The following PCNT variants were observed in gnomAD, a reference collection of about 807,000 sequenced individuals.
The protein encoded by PCNT is kendrin.
Under a neutral mutation model 380.4 loss-of-function variants are expected in PCNT, and 319 were observed. The observed-to-expected ratio is 0.84, with a 90% CI of 0.77 to 0.92. The LOEUF is 0.92. PCNT is among the 40% of genes least tolerant of loss of function. The pLI is 0.00. For missense variants in PCNT, 4,400 were observed against 4,255.3 expected, an observed-to-expected ratio of 1.03 and a Z score of -0.95; for synonymous variants, 1,845 against 1,735.2, an observed-to-expected ratio of 1.06 and a Z score of -1.57.
intron 15 of PCNT, among the ~76,000 whole-genome samples, chr21:46,367,496 CTG>C (rs1293544638): frequency 6.6e-6 from 1 of 152,104 alleles, no homozygotes; most frequent in Admixed American, 6.6e-5. Context: ...TTAGTAGAGA[CTG>C]GGCTTCACCA....
At chr21:46,328,338 G>C (rs1477814913) in intron 2 of PCNT, among the ~76,000 whole-genome samples, 1 of 150,446 alleles carries the variant, frequency 6.6e-6, no homozygotes, top group East Asian at 2.0e-4. Flanking sequence ...ACTCTGCTCA[G>C]TGCAACCTCT....
At chr21:46,360,262 G>A (rs1159046665) in intron 13 of PCNT, among the ~76,000 whole-genome samples, 1 of 115,270 alleles carries the variant, frequency 8.7e-6, no homozygotes, top group African/African-American at 3.4e-5. Flanking sequence ...TCACTCTGTT[G>A]CCCAGGCTGG....
At chr21:46,349,314 A>T (rs1346699370) in intron 7 of PCNT, 128 bp downstream of exon 7, 2 of 847,082 alleles carry the variant, frequency 2.4e-6, no homozygotes, top group Non-Finnish European at 4.1e-6. Flanking sequence ...GGATGGCCCC[A>T]TGCACGTGTG....
Position 46,401,800 on chromosome 21 carries a change from C to T in PCNT, c.4962+79C>T. On this transcript the variant is annotated intron_variant, in intron 26 of 46. Coordinates refer to ENST00000359568, the MANE Select transcript of PCNT (RefSeq NM_006031.6). ...GCTTCTCTGTGGCAGATCCGATGTC[C>T]AGATAACACAGGCGATGGGCTTGTG... The T allele has an allele frequency of 2.3e-6, 3 of 1,324,448 alleles. No individual in the cohort carries two copies. The South Asian group carries it at 3.6e-5, about 16-fold the overall frequency. 82.0% of individuals were successfully genotyped at this position (1,324,448 alleles called of 1,614,324 possible).
intron 45 of PCNT, among the ~76,000 whole-genome samples, chr21:46,444,456 G>A (rs987690276): frequency 6.6e-5 from 10 of 152,132 alleles, no homozygotes; most frequent in Non-Finnish European, 1.2e-4. Flanking sequence ...CGTCGAAGAT[G>A]TAGCAAGCAA....
At chr21:46,364,602 G>A (rs111694705) in intron 14 of PCNT, among the ~76,000 whole-genome samples, 29 of 152,338 alleles carry the variant, frequency 1.9e-4, no homozygotes, top group African/African-American at 7.0e-4. Flanking sequence ...AAATAAGCAT[G>A]TTTTTCTGAA....
intron 26 of PCNT, among the ~76,000 whole-genome samples, chr21:46,402,045 G>A (rs1232215470): frequency 1.3e-5 from 2 of 152,092 alleles, no homozygotes; most frequent in Non-Finnish European, 2.9e-5. Flanking sequence ...GTAGAGACAG[G>A]GTTTCACCAT....
At chr21:46,329,318 AT>A (rs2083483632) in intron 2 of PCNT, among the ~76,000 whole-genome samples, 1 of 152,224 alleles carries the variant, frequency 6.6e-6, no homozygotes, top group Admixed American at 6.5e-5. Context: ...CAGGAAGATG[AT>A]CTGATGAAAA....
chr21:46,362,653 T>G (rs1457728030), intron 13 of PCNT, among the ~76,000 whole-genome samples: 3 of 152,102 alleles, frequency 2.0e-5, no homozygotes, highest in Non-Finnish European at 4.4e-5. Context: ...TCTTTGAAAG[T>G]CAGGAAGTCA....
chr21:46,442,867 C>T (rs1216757011), intron 44 of PCNT: 2 of 453,194 alleles, frequency 4.4e-6, no homozygotes, highest in South Asian at 2.3e-5. Flanking sequence ...TTTTTTTATT[C>T]CTTAAATCAA....
intron 15 of PCNT, among the ~76,000 whole-genome samples, chr21:46,376,575 C>T (rs2085338589): frequency 6.6e-6 from 1 of 152,238 alleles, no homozygotes; most frequent in Non-Finnish European, 1.5e-5. Context: ...TTCCTGTTTT[C>T]CCAGTCCCTT....
intron 27 of PCNT, among the ~76,000 whole-genome samples, chr21:46,402,776 T>TGTGA (rs2086471847): frequency 6.6e-6 from 1 of 152,168 alleles, no homozygotes; most frequent in African/African-American, 2.4e-5. Flanking sequence ...ACCCCAGGGC[T>TGTGA]GTGAGAGGCG....
Position 46,408,284 on chromosome 21 carries a change from G to T in PCNT, c.5116-2905G>T, listed in dbSNP as rs565543496. Among the ~76,000 whole-genome samples, 4 of 152,308 alleles carry T rather than the reference G, an allele frequency of 2.6e-5. No homozygotes were observed. In the East Asian group the frequency reaches 7.7e-4, roughly 29 times the overall value. Reference sequence around the variant, plus strand: ...CTGTTGTCTGGATGGACCACAGTTTGTTGATCCATTCACCCATCGAGGGAC... The same window carrying T: ...CTGTTGTCTGGATGGACCACAGTTTTTTGATCCATTCACCCATCGAGGGAC... On this transcript the variant is annotated intron_variant, in intron 27 of 46. Transcript: ENST00000359568.
At chr21:46,368,224 T>A (rs1314834638) in intron 15 of PCNT, among the ~76,000 whole-genome samples, 1 of 151,768 alleles carries the variant, frequency 6.6e-6, no homozygotes, top group East Asian at 1.9e-4. Context: ...GGCGGGCAGA[T>A]CACAAGGTCA....
chr21:46,379,232 G>A (rs1039628006), intron 15 of PCNT, among the ~76,000 whole-genome samples: 4 of 137,672 alleles, frequency 2.9e-5, no homozygotes, highest in African/African-American at 1.0e-4. Context: ...TGTCATCCGG[G>A]GCTGCGTGTC....
chr21:46,373,498 C>T (rs1158394820), intron 15 of PCNT, among the ~76,000 whole-genome samples: 1 of 135,184 alleles, frequency 7.4e-6, no homozygotes, highest in African/African-American at 2.9e-5. Flanking sequence ...GTGGCGTGAT[C>T]TTGGCTCACT....
At chr21:46,365,496 C>T (rs1181837175) in intron 14 of PCNT, among the ~76,000 whole-genome samples, 6 of 143,590 alleles carry the variant, frequency 4.2e-5, no homozygotes, top group South Asian at 2.3e-4. Context: ...TGATCACTGC[C>T]GTGGGGTTCT....
At chr21:46,352,773 G>C (rs1176618743) in intron 9 of PCNT, among the ~76,000 whole-genome samples, 3 of 152,184 alleles carry the variant, frequency 2.0e-5, no homozygotes, top group African/African-American at 7.2e-5. Flanking sequence ...TGATGAGCCT[G>C]CTTCTGGGCT....
chr21:46,410,076 C>T (rs1354044987), intron 27 of PCNT, among the ~76,000 whole-genome samples: 1 of 152,214 alleles, frequency 6.6e-6, no homozygotes, highest in Admixed American at 6.5e-5. Context: ...GAATTGTCCT[C>T]GAAATTCCTT....
Sources: allele counts gnomAD v4.1 joint callset (sites outside exome capture counted in the v4.1 genomes callset), GRCh38; gene constraint gnomAD v4.1.1; transcripts MANE v1.5; gene names NCBI Gene and HGNC (gene_info 2026-07-23, HGNC 2026-07-21).